The following GTF3C2 variants were observed in gnomAD, a reference collection of about 807,000 sequenced individuals.
GTF3C2 encodes general transcription factor IIIC subunit 2, also known as general transcription factor 3C polypeptide 2.
A neutral mutation model predicts 117.4 loss-of-function variants in GTF3C2; 17 were observed. That is an observed-to-expected ratio of 0.14 (90% confidence interval 0.10 to 0.22). The LOEUF (loss-of-function observed/expected upper bound fraction) is 0.22. GTF3C2 is among the 10% of genes least tolerant of loss of function. The pLI, the probability that GTF3C2 is intolerant of heterozygous loss-of-function variation, is 1.00. For missense variants in GTF3C2, 888 were observed against 1,143.6 expected (o/e 0.78, Z 3.22); for synonymous variants, 437 against 427.0 (o/e 1.02, Z -0.29).
At chr2:27,336,955 T>C (rs1680504135) in intron 7 of GTF3C2, among the ~76,000 whole-genome samples, 1 of 152,230 alleles carries the variant, frequency 6.6e-6, no homozygotes, top group Non-Finnish European at 1.5e-5. Context: ...CTGTTCATTC[T>C]GGCATACTAT....
At chr2:27,328,439 C>T (rs1384360093) in intron 16 of GTF3C2, 29 bp downstream of exon 16, 1 of 1,613,072 alleles carries the variant, frequency 6.2e-7, no homozygotes, top group Non-Finnish European at 8.5e-7. Context: ...TAGGATCCAA[C>T]AGCTGCTGTT....
At chr2:27,336,490 C>T (rs1680482329) in intron 7 of GTF3C2, 65 bp from the exon 8 acceptor site, 15 of 953,042 alleles carry the variant, frequency 1.6e-5, no homozygotes, top group South Asian at 6.9e-5. Context: ...ACTGAATGGG[C>T]GCTCCACCCA....
In GTF3C2 at chr2:27,329,839, G is replaced by A. The variant is rs1386784378; in HGVS notation, c.1733-316C>T. 1.3e-5 allele frequency among the ~76,000 whole-genome samples: 2 copies of A among 152,100 alleles called. No individual in the cohort carries two copies. Among genetic ancestry groups the A allele is most frequent in the African/African-American group, 4.8e-5 (2 of 41,420 alleles). On this transcript the variant is annotated intron_variant, in intron 12 of 18. Coordinates refer to ENST00000264720, the Ensembl canonical transcript of GTF3C2. This position sits in a 1 kb window ranked among gnomAD's most constrained non-coding sequence, Gnocchi z 4.5. Reference sequence around the variant, plus strand: ...TCTACTCCCTATAAATAAACGTCAAGGGACTTTTAAAAAGCATAGGTGGGG... The same window carrying A: ...TCTACTCCCTATAAATAAACGTCAAAGGACTTTTAAAAAGCATAGGTGGGG...
rs542471816 is a variant in GTF3C2 at position 27,330,893 on chromosome 2, T to TA, written c.1733-1371dup. ...GGGAGAACTGCTTGAACTCGGGAGA[T>TA]AGAGGTTGCAGTGAGCCAAGATCAT... On this transcript the variant is annotated intron_variant, in intron 12 of 18. Transcript: ENST00000264720. Among the ~76,000 whole-genome samples, 792 of 151,734 alleles carry TA rather than the reference T, an allele frequency of 5.2e-3. 3 individuals carry two copies. The highest frequency in any genetic ancestry group is 0.018 in the African/African-American group (750 of 41,400).
chr2:27,339,224 C>T (rs768364596), intron 4 of GTF3C2, among the ~76,000 whole-genome samples: 17 of 151,540 alleles, frequency 1.1e-4, no homozygotes, highest in Admixed American at 3.3e-4. Flanking sequence ...CTAACCAACA[C>T]GGTGAAACCC....
intron 7 of GTF3C2, chr2:27,336,691 C>T (rs138235372): frequency 0.012 from 4,815 of 397,470 alleles, 41 homozygotes; most frequent in Non-Finnish European, 0.017. Context: ...TCACTGCAGC[C>T]GTGACCTCCC....
chr2:27,345,652 T>G (rs943695281), intron 1 of GTF3C2, among the ~76,000 whole-genome samples: 1 of 151,656 alleles, frequency 6.6e-6, no homozygotes, highest in East Asian at 1.9e-4. Flanking sequence ...TTCACCTGGA[T>G]GGGGGTGGTG....
chr2:27,352,148 T>C (rs578102243), intron 1 of GTF3C2, among the ~76,000 whole-genome samples: 1 of 152,324 alleles, frequency 6.6e-6, no homozygotes, highest in Non-Finnish European at 1.5e-5. Flanking sequence ...GATTCCTTCA[T>C]TTCAATCAGA....
At chr2:27,328,928 A>G (rs752919596) in exon 15 of GTF3C2, 12 of 1,595,962 alleles carry the variant, frequency 7.5e-6, no homozygotes, top group East Asian at 2.2e-5. Flanking sequence ...CACAGAGTCC[A>G]TAACTGTTAA....
intron 1 of GTF3C2, chr2:27,350,410 T>C: frequency 1.0e-6 from 1 of 985,434 alleles, no homozygotes; most frequent in Non-Finnish European, 1.2e-6. Flanking sequence ...CTTGCATAAA[T>C]AAATGATCAC....
intron 12 of GTF3C2, among the ~76,000 whole-genome samples, chr2:27,332,765 G>C (rs1680324077): frequency 6.6e-6 from 1 of 151,212 alleles, no homozygotes; most frequent in African/African-American, 2.4e-5. Context: ...TGCCAGGCTG[G>C]AGTGCAGTGG....
In GTF3C2 at chr2:27,326,664, G is replaced by A. The variant is rs757317712; in HGVS notation, c.*11C>T. The A allele has an allele frequency of 5.6e-6, 9 of 1,603,016 alleles. No homozygotes were observed. In the South Asian group the frequency reaches 6.6e-5, roughly 12 times the overall value. ...ACCGACTTCACTCCAAGGATCTGGT[G>A]TGGGCCAAGGCTAGGGAGTGGGCAG... is the stretch of plus-strand genomic sequence containing the variant. On this transcript the variant is annotated 3_prime_UTR_variant, in exon 19 of 19. Coordinates refer to ENST00000264720, the Ensembl canonical transcript of GTF3C2.
chr2:27,327,189 C>T (rs1268010728), exon 18 of GTF3C2: 4 of 1,576,928 alleles, frequency 2.5e-6, no homozygotes, highest in African/African-American at 2.7e-5. Context: ...TATGAATAGC[C>T]TCCAGCTGCA....
exon 4 of GTF3C2, chr2:27,342,027 T>C: frequency 6.2e-7 from 1 of 1,614,150 alleles, no homozygotes; most frequent in Non-Finnish European, 8.5e-7. Flanking sequence ...GCCCTCACTT[T>C]CTTCCACATC....
chr2:27,337,770 G>C, intron 5 of GTF3C2, 156 bp downstream of exon 5: 1 of 706,054 alleles, frequency 1.4e-6, no homozygotes, highest in South Asian at 1.6e-5. Flanking sequence ...AAGAGTTCTA[G>C]AGCTCTTGCC....
chr2:27,354,029 G>T (rs1163581454), intron 1 of GTF3C2, among the ~76,000 whole-genome samples: 1 of 141,612 alleles, frequency 7.1e-6, no homozygotes, highest in Non-Finnish European at 1.5e-5. Flanking sequence ...AGCCTATAAC[G>T]TATGTATAAA....
In GTF3C2 at chr2:27,356,096, C is replaced by T. The variant is rs572731895; in HGVS notation, c.-25+643G>A. 5 of 1,289,122 alleles carry T rather than the reference C, an allele frequency of 3.9e-6. No individual in the cohort carries two copies. In the South Asian group the frequency reaches 6.2e-5, roughly 16 times the overall value. The allele number at this position is 1,289,122 out of a possible 1,614,324, so 79.9% of individuals were successfully genotyped here. ...AGAGGTTTGTCCATACCCTATACAT[C>T]CCTCCAACAAAGTGAGTTGCCTCCG... On this transcript the variant is annotated intron_variant, in intron 1 of 18. Transcript: ENST00000264720.
At chr2:27,330,460 T>A (rs1392861421) in intron 12 of GTF3C2, among the ~76,000 whole-genome samples, 2 of 145,306 alleles carry the variant, frequency 1.4e-5, no homozygotes, top group African/African-American at 2.6e-5. Context: ...AGACTCCACC[T>A]CAAAAAAAAA....
chr2:27,351,904 G>A (rs1308442714), intron 1 of GTF3C2, among the ~76,000 whole-genome samples: 1 of 151,746 alleles, frequency 6.6e-6, no homozygotes, highest in Non-Finnish European at 1.5e-5. Flanking sequence ...TTGTTCCTTT[G>A]ATGCTTAGAA....
Sources: gnomAD v4.1 joint callset for allele counts (sites outside exome capture counted in the v4.1 genomes callset) on GRCh38, gnomAD v4.1.1 for gene constraint, Gnocchi (gnomAD v3.1) non-coding constraint, MANE v1.5 for transcripts, NCBI Gene and HGNC (gene_info 2026-07-23, HGNC 2026-07-21) for gene names.